The following PGM2L1 variants were observed in gnomAD, a reference collection of about 807,000 sequenced individuals.
PGM2L1 encodes glucose 1,6-bisphosphate synthase.
A neutral mutation model predicts 73.4 loss-of-function variants in PGM2L1; 35 were observed. That is an observed-to-expected ratio of 0.48 (90% CI 0.36 to 0.63). PGM2L1 has a LOEUF of 0.63. Among genes scored for constraint, PGM2L1 ranks in the 30% least tolerant of loss-of-function variants. The pLI is 0.00. For synonymous variants in PGM2L1, 225 were observed against 253.8 expected (o/e 0.89, Z 1.08); for missense variants, 570 against 742.0 (o/e 0.77, Z 2.69).
At chr11:74,393,936 G>A (rs1016975321) in intron 1 of PGM2L1, among the ~76,000 whole-genome samples, 3 of 151,168 alleles carry the variant, frequency 2.0e-5, no homozygotes, top group Non-Finnish European at 4.4e-5. Context: ...TTCTGGGCCA[G>A]CAAAACTGGT....
chr11:74,357,888 G>A (rs1177020174), intron 5 of PGM2L1, among the ~76,000 whole-genome samples: 1 of 152,152 alleles, frequency 6.6e-6, no homozygotes, highest in Non-Finnish European at 1.5e-5. Context: ...AAGACATGGA[G>A]GGAATTACTA....
At chr11:74,386,121 G>GA (rs1215948767) in intron 1 of PGM2L1, among the ~76,000 whole-genome samples, 1 of 151,702 alleles carries the variant, frequency 6.6e-6, no homozygotes, top group East Asian at 1.9e-4. Context: ...GACAAACTGA[G>GA]AAAAAAACAT....
Position 74,398,244 on chromosome 11 carries a change from G to T in PGM2L1, c.-83C>A. The T allele has an allele frequency of 6.7e-7, 1 of 1,498,070 alleles. No individual in the cohort carries two copies. The allele number at this position is 1,498,070 out of a possible 1,614,324, so 92.8% of individuals were successfully genotyped here. ...GGTGGCTTGGGGTTCGCTCACCAGG[G>T]TCCAGGCGTCCCCACCTCACTGAAG... On this transcript the variant is annotated 5_prime_UTR_variant, in exon 1 of 14. Transcript: ENST00000298198.
chr11:74,382,365 G>T (rs190902070), intron 1 of PGM2L1, among the ~76,000 whole-genome samples: 1 of 152,142 alleles, frequency 6.6e-6, no homozygotes, highest in Non-Finnish European at 1.5e-5. Context: ...TTGTGGCCTC[G>T]GTTTCCTTGC....
At chr11:74,389,968 A>AAAAAAAAAAAT (rs1863072163) in intron 1 of PGM2L1, among the ~76,000 whole-genome samples, 1 of 137,056 alleles carries the variant, frequency 7.3e-6, no homozygotes, top group Admixed American at 7.2e-5. Context: ...AAAAAAAAAA[A>AAAAAAAAAAAT]ATTAGCCAGG....
At chr11:74,388,365 A>C (rs1863045442) in intron 1 of PGM2L1, among the ~76,000 whole-genome samples, 1 of 152,214 alleles carries the variant, frequency 6.6e-6, no homozygotes, top group African/African-American at 2.4e-5. Flanking sequence ...ACACCTATGT[A>C]TCTATATCTC....
At chr11:74,350,909 G>C (rs1178568481) in intron 6 of PGM2L1, among the ~76,000 whole-genome samples, 1 of 142,970 alleles carries the variant, frequency 7.0e-6, no homozygotes, top group Non-Finnish European at 1.5e-5. Context: ...GAGAGAGAGA[G>C]AGAGAGAGAA....
At chr11:74,355,319 T>C (rs61902399) in intron 5 of PGM2L1, 467,306 of 758,562 alleles carry the variant, frequency 0.62, 148,716 homozygotes, top group East Asian at 0.76. Flanking sequence ...TTTGGGAGGC[T>C]GAGGTGGGTG....
At chr11:74,388,674 T>C (rs1863048983) in intron 1 of PGM2L1, among the ~76,000 whole-genome samples, 1 of 152,222 alleles carries the variant, frequency 6.6e-6, no homozygotes, top group Non-Finnish European at 1.5e-5. Context: ...CATATTATAG[T>C]CTTCATACTC....
In PGM2L1 at chr11:74,391,853, G is replaced by A. The variant is rs1485001916; in HGVS notation, c.111+6198C>T. Reference sequence around the variant, plus strand: ...TGGTATGGGTTTTCTCTGTTTTCATGTATACAATATGTTTTCTGCCAGTCT... The same window carrying A: ...TGGTATGGGTTTTCTCTGTTTTCATATATACAATATGTTTTCTGCCAGTCT... On this transcript the variant is annotated intron_variant, in intron 1 of 13. Coordinates refer to ENST00000298198, the MANE Select transcript of PGM2L1 (RefSeq NM_173582.6). 2.0e-5 allele frequency among the ~76,000 whole-genome samples: 3 copies of A among 152,076 alleles called. No individual in the cohort carries two copies. The East Asian group carries it at 5.8e-4, about 29-fold the overall frequency.
chr11:74,335,682 T>C lies in PGM2L1; in HGVS notation c.*970A>G, dbSNP rs1862085239. 6.6e-6 allele frequency: 1 copy of C among 152,420 alleles called. No homozygotes were observed. The highest frequency in any genetic ancestry group is 2.4e-5 in the African/African-American group (1 of 41,442). 9.4% of individuals were successfully genotyped at this position (152,420 alleles called of 1,614,324 possible). On this transcript the variant is annotated 3_prime_UTR_variant, in exon 14 of 14. Coordinates refer to ENST00000298198, the MANE Select transcript of PGM2L1 (RefSeq NM_173582.6). ...TTAGACTGTCAAATAAATTCAGAGC[T>C]CCTTTCTCAGTTCAGATTTTTTTCT...
chr11:74,386,016 G>A (rs1239542782), intron 1 of PGM2L1, among the ~76,000 whole-genome samples: 1 of 151,924 alleles, frequency 6.6e-6, no homozygotes, highest in Non-Finnish European at 1.5e-5. Context: ...AAAGGAAATG[G>A]TTAAATATGA....
rs550152334 is a variant in PGM2L1 at position 74,360,855 on chromosome 11, G to C, written c.555+7637C>G. Among the ~76,000 whole-genome samples, 48 of 152,322 alleles carry C rather than the reference G, an allele frequency of 3.2e-4. No homozygotes were observed. The East Asian group carries it at 7.1e-3, about 23-fold the overall frequency. On this transcript the variant is annotated intron_variant, in intron 5 of 13. Coordinates refer to ENST00000298198, the MANE Select transcript of PGM2L1 (RefSeq NM_173582.6). ...CAAGGCCGCAGTGAGGCCGGGGGAG[G>C]GGCGCCCGCCATTGCTGAGGCTTGA...
intron 1 of PGM2L1, among the ~76,000 whole-genome samples, chr11:74,376,219 T>C (rs943715287): frequency 6.6e-6 from 1 of 152,142 alleles, no homozygotes; most frequent in African/African-American, 2.4e-5. Context: ...ATTATTAATA[T>C]TACTATTGTG....
At chr11:74,396,893 T>C (rs889884685) in intron 1 of PGM2L1, among the ~76,000 whole-genome samples, 1 of 152,238 alleles carries the variant, frequency 6.6e-6, no homozygotes, top group African/African-American at 2.4e-5. Context: ...AAATACCTCA[T>C]TGTAGTTGCT....
At chr11:74,337,966 A>G (rs1434086980) in intron 13 of PGM2L1, among the ~76,000 whole-genome samples, 1 of 152,238 alleles carries the variant, frequency 6.6e-6, no homozygotes, top group East Asian at 1.9e-4. Flanking sequence ...TCATAACAGT[A>G]TTCAAAACAG....
intron 5 of PGM2L1, among the ~76,000 whole-genome samples, chr11:74,360,166 G>A (rs1396638674): frequency 2.0e-5 from 3 of 152,016 alleles, no homozygotes; most frequent in African/African-American, 7.3e-5. Context: ...GAAGGTTGAA[G>A]CTGCAGTGAG....
Position 74,371,726 on chromosome 11 carries a change from C to T in PGM2L1, c.371G>A (p.Ser124Asn). 2 of 1,613,268 alleles carry T rather than the reference C, an allele frequency of 1.2e-6. No individual in the cohort carries two copies. The highest frequency in any genetic ancestry group is 1.7e-6 in the Non-Finnish European group (2 of 1,179,274). The change falls in exon 3 of 14, where the codon AGC becomes AAC. Residue 124 changes from serine (S) to asparagine (N), a missense_variant. By Grantham distance (46) the Ser-to-Asn change is conservative. Coordinates refer to ENST00000298198, the MANE Select transcript of PGM2L1 (RefSeq NM_173582.6). ...GYDTRGQVTS[S>N]CSSQRLAKLT... ...AACTTTGTACCTCTGGCTGCTGCAG[C>T]TGCTAGTTACTTGACCCCGAGTGTC...
chr11:74,366,253 C>T lies in PGM2L1; in HGVS notation c.555+2239G>A, dbSNP rs540550617. On this transcript the variant is annotated intron_variant, in intron 5 of 13. Coordinates refer to ENST00000298198, the MANE Select transcript of PGM2L1 (RefSeq NM_173582.6). ...GGGAGGGAAAGCATTTGGAGATATACCCAATGTAAATGATGAGTTAATGGG... is the reference window on the plus strand; with the variant it reads ...GGGAGGGAAAGCATTTGGAGATATATCCAATGTAAATGATGAGTTAATGGG... Among the ~76,000 whole-genome samples, 19 of 151,664 alleles carry T rather than the reference C, an allele frequency of 1.3e-4. No homozygotes were observed. The East Asian group carries it at 3.5e-3, about 28-fold the overall frequency.
Sources: allele counts gnomAD v4.1 joint callset (sites outside exome capture counted in the v4.1 genomes callset), GRCh38; gene constraint gnomAD v4.1.1; transcripts MANE v1.5; gene names NCBI Gene and HGNC (gene_info 2026-07-23, HGNC 2026-07-21).